ISLR2: variants seen among roughly 807,000 people sequenced by gnomAD.
ISLR2 encodes immunoglobulin superfamily containing leucine-rich repeat protein 2.
In ISLR2, 16 loss-of-function variants were observed where a neutral mutation model predicts 25.5. The observed-to-expected ratio is 0.63, with a 90% confidence interval of 0.43 to 0.95. ISLR2 has a LOEUF of 0.95. ISLR2 is among the 40% of genes least tolerant of loss of function. The probability of loss-of-function intolerance (pLI) is 0.00; values close to 1 mark genes in which losing one functional copy is unlikely to be tolerated. For synonymous variants in ISLR2, 508 were observed against 486.6 expected (o/e 1.04, Z -0.58); for missense variants, 883 against 1,030.7 (o/e 0.86, Z 1.96).
At chr15:74,131,362 G>C (rs553314915) in intron 2 of ISLR2, 46 bp downstream of exon 2, 12 of 152,868 alleles carry the variant, frequency 7.8e-5, no homozygotes, top group Admixed American at 2.6e-4. Context: ...GGTGGGGTTA[G>C]GTCCAGCCTA....
At chr15:74,104,713 A>C (rs2072107103) in intron 2 of ISLR2, among the ~76,000 whole-genome samples, 1 of 151,926 alleles carries the variant, frequency 6.6e-6, no homozygotes, top group South Asian at 2.1e-4. Flanking sequence ...GTTGGAGGCT[A>C]TGGTGAGCTG....
Position 74,132,733 on chromosome 15 carries a change from G to C in ISLR2, c.-8-14G>C. ...AGTCACCTTCTTTCTTCTTCACCTG[G>C]CTTCCATCTGCAGGAGCCGCGATGT... On this transcript the variant is annotated splice_polypyrimidine_tract_variant and intron_variant, in intron 2 of 2. Transcript: ENST00000453268. This position sits in a 1 kb window ranked among gnomAD's most constrained non-coding sequence, Gnocchi z 4.3. 2.5e-6 allele frequency: 4 copies of C among 1,602,510 alleles called. No homozygotes were observed. The highest frequency in any genetic ancestry group is 3.4e-6 in the Non-Finnish European group (4 of 1,171,400).
upstream of ISLR2, chr15:74,128,955 A>G (rs1226252238): frequency 4.4e-6 from 2 of 449,648 alleles, no homozygotes; most frequent in East Asian, 1.4e-4. Context: ...TAGAAACCTC[A>G]GGGACTCACC....
intron 2 of ISLR2, among the ~76,000 whole-genome samples, chr15:74,104,434 G>C (rs2072104603): frequency 6.6e-6 from 1 of 152,222 alleles, no homozygotes; most frequent in South Asian, 2.1e-4. Flanking sequence ...TAATAAACTG[G>C]TATTTGCCAA....
intron 2 of ISLR2, among the ~76,000 whole-genome samples, chr15:74,111,917 T>G (rs921188271): frequency 2.0e-5 from 3 of 152,014 alleles, no homozygotes; most frequent in Middle Eastern, 3.4e-3. Flanking sequence ...GTTAAAGGAG[T>G]CTACATACGT....
chr15:74,121,852 A>G (rs1240687244), intron 2 of ISLR2, among the ~76,000 whole-genome samples: 4 of 152,170 alleles, frequency 2.6e-5, no homozygotes, highest in African/African-American at 9.7e-5. Flanking sequence ...GCCTGATGAG[A>G]TGCCCTCTCT....
chr15:74,119,984 G>A (rs1417873831), intron 2 of ISLR2, among the ~76,000 whole-genome samples: 3 of 152,138 alleles, frequency 2.0e-5, no homozygotes, highest in Non-Finnish European at 2.9e-5. Flanking sequence ...CCCAGGGCTC[G>A]GCCTTGGGAA....
At chr15:74,118,900 A>G (rs1011754013) in intron 2 of ISLR2, among the ~76,000 whole-genome samples, 2 of 152,180 alleles carry the variant, frequency 1.3e-5, no homozygotes, top group African/African-American at 4.8e-5. Flanking sequence ...CTCGTGATCC[A>G]TCCACCTCAG....
At chr15:74,119,551 C>A (rs1457447923) in intron 2 of ISLR2, among the ~76,000 whole-genome samples, 1 of 152,120 alleles carries the variant, frequency 6.6e-6, no homozygotes, top group Admixed American at 6.6e-5. Context: ...CCCCCTCCCC[C>A]TTACCCTTCC....
At chr15:74,127,549 A>C (rs1003708360), upstream of ISLR2, 6 of 152,344 alleles carry the variant, frequency 3.9e-5, no homozygotes, top group Non-Finnish European at 8.8e-5. Context: ...AAGCCTCGGG[A>C]CTTTGGTTAA....
intron 2 of ISLR2, among the ~76,000 whole-genome samples, chr15:74,118,594 A>G (rs2072229287): frequency 6.6e-6 from 1 of 152,030 alleles, no homozygotes; most frequent in Non-Finnish European, 1.5e-5. Context: ...AAAAATGGGT[A>G]GGTAATTGGC....
Position 74,132,650 on chromosome 15 carries a change from G to A in ISLR2, c.-8-97G>A. 6.8e-7 allele frequency: 1 copy of A among 1,467,576 alleles called. No individual in the cohort carries two copies. The allele number at this position is 1,467,576 out of a possible 1,614,324, so 90.9% of individuals were successfully genotyped here. A position where few individuals can be genotyped will look rare whatever the true frequency, so the allele number is the denominator to read the frequency against. On this transcript the variant is annotated intron_variant, in intron 2 of 2. Coordinates refer to ENST00000453268, the MANE Select transcript of ISLR2 (RefSeq NM_020851.3). The surrounding 1 kb of genome is among the most constrained non-coding windows in gnomAD (Gnocchi z 4.3). ...GGAGGTTACCGGAGCCCTGGAACTA[G>A]TGCTAAACGGGCTTGCGGAGGCACA...
chr15:74,121,847 A>T (rs1319525215), intron 2 of ISLR2, among the ~76,000 whole-genome samples: 1 of 152,162 alleles, frequency 6.6e-6, no homozygotes, highest in Non-Finnish European at 1.5e-5. Context: ...CAGCTGCCTG[A>T]TGAGATGCCC....
upstream of ISLR2, chr15:74,129,900 C>T (rs2141947375): frequency 6.6e-6 from 1 of 152,418 alleles, no homozygotes; most frequent in East Asian, 1.9e-4. This position sits in a 1 kb window ranked among gnomAD's most constrained non-coding sequence, Gnocchi z 4.5. Flanking sequence ...GTTTTGCCAC[C>T]ATCCTTGTCT....
At chr15:74,124,660 G>A (rs1457696359), upstream of ISLR2, among the ~76,000 whole-genome samples, 3 of 152,194 alleles carry the variant, frequency 2.0e-5, no homozygotes, top group African/African-American at 4.8e-5. Context: ...TCGGGAGGCC[G>A]AGGCAGGAGA....
chr15:74,112,101 C>T (rs1003168178), intron 2 of ISLR2, among the ~76,000 whole-genome samples: 2 of 152,110 alleles, frequency 1.3e-5, no homozygotes, highest in African/African-American at 4.8e-5. Context: ...TTTAAAGTTG[C>T]TTTAGGCAAA....
chr15:74,111,866 T>C (rs2072170931), intron 2 of ISLR2, among the ~76,000 whole-genome samples: 1 of 152,208 alleles, frequency 6.6e-6, no homozygotes, highest in African/African-American at 2.4e-5. Context: ...AGGGGGATTT[T>C]CGTGGTGGTA....
intron 2 of ISLR2, among the ~76,000 whole-genome samples, chr15:74,108,676 C>T (rs1189522463): frequency 2.6e-5 from 4 of 152,244 alleles, no homozygotes; most frequent in African/African-American, 9.6e-5. Flanking sequence ...TACCCACTGT[C>T]CACCTTTCTG....
chr15:74,118,812 C>T (rs1413228791), intron 2 of ISLR2, among the ~76,000 whole-genome samples: 1 of 152,030 alleles, frequency 6.6e-6, no homozygotes, highest in Non-Finnish European at 1.5e-5. Flanking sequence ...TGTCCGCTAC[C>T]ATGCCCGGCT....
Sources: allele counts gnomAD v4.1 joint callset (sites outside exome capture counted in the v4.1 genomes callset), GRCh38; gene constraint gnomAD v4.1.1; non-coding constraint Gnocchi (gnomAD v3.1); transcripts MANE v1.5; gene names NCBI Gene and HGNC (gene_info 2026-07-23, HGNC 2026-07-21).